Variants in INPP5A observed in about 807,000 individuals in gnomAD.
INPP5A encodes inositol polyphosphate-5-phosphatase A, also known as 43 kDa inositol polyphosphate 5-phophatase.
In INPP5A, 14 loss-of-function variants were observed where a neutral mutation model predicts 65.2. The observed-to-expected ratio is 0.21, with a 90% CI of 0.14 to 0.34. The LOEUF is 0.34. Ranked by LOEUF, INPP5A falls within the 10% of genes least tolerant of loss-of-function variation. The pLI, the probability that INPP5A is intolerant of heterozygous loss-of-function variation, is 1.00. For synonymous variants in INPP5A, 207 were observed against 208.3 expected, an observed-to-expected ratio of 0.99 and a Z score of 0.05; for missense variants, 431 against 545.6, an observed-to-expected ratio of 0.79 and a Z score of 2.09.
chr10:132,539,675 C>T (rs2070884242), intron 1 of INPP5A, among the ~76,000 whole-genome samples: 1 of 152,112 alleles, frequency 6.6e-6, no homozygotes, highest in East Asian at 1.9e-4. Context: ...CGTGGAGCCA[C>T]GGACGCTCCC....
intron 9 of INPP5A, among the ~76,000 whole-genome samples, chr10:132,745,895 C>T (rs1418604580): frequency 1.3e-5 from 2 of 152,186 alleles, no homozygotes; most frequent in African/African-American, 2.4e-5. Context: ...TGGTGGCCCC[C>T]GAGGAGGAGT....
At chr10:132,730,264 C>T (rs1846060242) in intron 9 of INPP5A, among the ~76,000 whole-genome samples, 1 of 152,246 alleles carries the variant, frequency 6.6e-6, no homozygotes, top group East Asian at 1.9e-4. Context: ...TTTCTGGGCT[C>T]CACGGGGTGC....
At chr10:132,563,441 A>C (rs374362337) in intron 1 of INPP5A, among the ~76,000 whole-genome samples, 1 of 152,222 alleles carries the variant, frequency 6.6e-6, no homozygotes, top group Non-Finnish European at 1.5e-5. Flanking sequence ...GACAGTGAAC[A>C]GCAGCGCCGT....
At chr10:132,586,598 G>A (rs2071547838) in intron 1 of INPP5A, among the ~76,000 whole-genome samples, 1 of 152,216 alleles carries the variant, frequency 6.6e-6, no homozygotes. Context: ...TGGAAGGGTG[G>A]CCGGTGACGA....
intron 13 of INPP5A, among the ~76,000 whole-genome samples, chr10:132,780,284 A>G (rs943632943): frequency 3.3e-5 from 5 of 152,268 alleles, no homozygotes; most frequent in African/African-American, 1.2e-4. Context: ...CCTGCTGGGA[A>G]GTGCGCACAC....
intron 5 of INPP5A, among the ~76,000 whole-genome samples, chr10:132,691,617 C>A (rs1845263267): frequency 6.6e-6 from 1 of 152,250 alleles, no homozygotes; most frequent in Non-Finnish European, 1.5e-5. Flanking sequence ...GGTGAACCTA[C>A]AGTGTATTTA....
At chr10:132,768,724 C>T (rs968530249) in intron 12 of INPP5A, among the ~76,000 whole-genome samples, 7 of 152,246 alleles carry the variant, frequency 4.6e-5, no homozygotes, top group Admixed American at 1.3e-4. Context: ...GGAGCCGAGC[C>T]GCCATCTGTA....
intron 2 of INPP5A, among the ~76,000 whole-genome samples, chr10:132,641,543 C>T (rs949955811): frequency 2.6e-5 from 4 of 152,308 alleles, no homozygotes; most frequent in Non-Finnish European, 4.4e-5. Context: ...TGCCAGAGGG[C>T]GATTTTCTGA....
At chr10:132,712,276 A>G (rs887739100) in intron 8 of INPP5A, among the ~76,000 whole-genome samples, 3 of 151,994 alleles carry the variant, frequency 2.0e-5, no homozygotes, top group South Asian at 2.1e-4. Flanking sequence ...GTGTGTGTGC[A>G]CACATGCACA....
chr10:132,646,375 A>G (rs923419046), intron 3 of INPP5A, among the ~76,000 whole-genome samples: 3 of 152,046 alleles, frequency 2.0e-5, no homozygotes, highest in African/African-American at 7.2e-5. Context: ...CGAAATCTCC[A>G]TCGTTTAGGA....
In INPP5A at chr10:132,771,928, A is replaced by G. The variant is rs1186146966; in HGVS notation, c.978-5743A>G. Among the ~76,000 whole-genome samples, 72 of 25,214 alleles carry G rather than the reference A, an allele frequency of 2.9e-3. 1 individual carries two copies. Among genetic ancestry groups the G allele is most frequent in the Middle Eastern group, 0.013 (1 of 78 alleles). 16.5% of individuals were successfully genotyped at this position (25,214 alleles called of 152,430 possible). A position where few individuals can be genotyped will look rare whatever the true frequency, so the allele number is the denominator to read the frequency against. ...AGAGGCCACAGCAGCCACCCGATGA[A>G]GAGTGGGACGGACACTCAGCACTGA... On this transcript the variant is annotated intron_variant, in intron 12 of 15. Coordinates refer to ENST00000368594, the MANE Select transcript of INPP5A (RefSeq NM_005539.5).
Position 132,545,620 on chromosome 10 carries a change from G to C in INPP5A, c.75+7449G>C, listed in dbSNP as rs915616282. Reference sequence around the variant, plus strand: ...CTTAGGGGAAGAGGGTGCGGAACAGGCAGGCTGTTCCCATGCGGACCTGAA... The same window carrying C: ...CTTAGGGGAAGAGGGTGCGGAACAGCCAGGCTGTTCCCATGCGGACCTGAA... On this transcript the variant is annotated intron_variant, in intron 1 of 15. Transcript: ENST00000368594. This position sits in a 1 kb window ranked among gnomAD's most constrained non-coding sequence, Gnocchi z 4.6. Among the ~76,000 whole-genome samples the C allele has an allele frequency of 6.6e-6, 1 of 152,240 alleles. No individual in the cohort carries two copies. Among genetic ancestry groups the C allele is most frequent in the African/African-American group, 2.4e-5 (1 of 41,462 alleles).
chr10:132,703,658 C>A (rs1399774241), intron 6 of INPP5A, among the ~76,000 whole-genome samples: 3 of 120,376 alleles, frequency 2.5e-5, no homozygotes, highest in African/African-American at 6.5e-5. Context: ...CCGCACACCC[C>A]CACACACACA....
intron 1 of INPP5A, among the ~76,000 whole-genome samples, chr10:132,594,276 A>T (rs2071655049): frequency 6.6e-6 from 1 of 152,216 alleles, no homozygotes; most frequent in Non-Finnish European, 1.5e-5. Flanking sequence ...AAGTGAACTA[A>T]AATTACATGC....
chr10:132,594,160 T>C lies in INPP5A; in HGVS notation c.76-13755T>C, dbSNP rs941423795. Among the ~76,000 whole-genome samples, 7 of 152,354 alleles carry C rather than the reference T, an allele frequency of 4.6e-5. No homozygotes were observed. In the East Asian group the frequency reaches 9.6e-4, roughly 21 times the overall value. ...CTTCATCCTGTTTATATGCCAATGT[T>C]ATGTTTGTCTCATAATAGGAACTTA... On this transcript the variant is annotated intron_variant, in intron 1 of 15. Coordinates refer to ENST00000368594, the MANE Select transcript of INPP5A (RefSeq NM_005539.5).
intron 11 of INPP5A, among the ~76,000 whole-genome samples, chr10:132,760,775 G>A (rs1012994111): frequency 1.3e-5 from 2 of 152,170 alleles, no homozygotes; most frequent in African/African-American, 4.8e-5. Context: ...TGCACAGCTG[G>A]GCCTGTCCTT....
chr10:132,677,844 A>G (rs1890177), intron 4 of INPP5A, among the ~76,000 whole-genome samples: 2 of 152,042 alleles, frequency 1.3e-5, no homozygotes, highest in African/African-American at 4.8e-5. Context: ...GGGTTCAGCA[A>G]CCCGCGTGCA....
Position 132,718,117 on chromosome 10 carries a change from C to G in INPP5A, c.647+7661C>G, listed in dbSNP as rs138471740. On this transcript the variant is annotated intron_variant, in intron 8 of 15. Coordinates refer to ENST00000368594, the MANE Select transcript of INPP5A (RefSeq NM_005539.5). ...CGGCCGTCTTCAGGGTTCTGTGGTA[C>G]CTGGGAGCTGTCTGGGCGCCTTAGA... is the stretch of plus-strand genomic sequence containing the variant. Among the ~76,000 whole-genome samples the G allele has an allele frequency of 7.3e-3, 1,047 of 143,266 alleles. 14 individuals carry two copies. The highest frequency in any genetic ancestry group is 0.025 in the African/African-American group (951 of 37,950). The allele number at this position is 143,266 out of a possible 152,430, so 94.0% of individuals were successfully genotyped here. A position where few individuals can be genotyped will look rare whatever the true frequency, so the allele number is the denominator to read the frequency against.
intron 3 of INPP5A, among the ~76,000 whole-genome samples, 174 bp downstream of exon 3, chr10:132,646,142 G>A (rs1446831690): frequency 6.6e-6 from 1 of 152,156 alleles, no homozygotes; most frequent in Non-Finnish European, 1.5e-5. Context: ...GTGTGGCCAC[G>A]AGCCTCCTTG....
Sources: gnomAD v4.1 joint callset for allele counts (sites outside exome capture counted in the v4.1 genomes callset) on GRCh38, gnomAD v4.1.1 for gene constraint, Gnocchi (gnomAD v3.1) non-coding constraint, MANE v1.5 for transcripts, NCBI Gene and HGNC (gene_info 2026-07-23, HGNC 2026-07-21) for gene names.